The following RAD51B variants were observed in gnomAD, a reference collection of about 807,000 sequenced individuals.
RAD51B encodes DNA repair protein RAD51 homolog 2.
A neutral mutation model predicts 42.2 loss-of-function variants in RAD51B; 38 were observed. That is an observed-to-expected ratio of 0.90 (90% CI 0.70 to 1.18). The LOEUF (loss-of-function observed/expected upper bound fraction) is 1.18, where lower values mean the gene tolerates loss of function less well. Among genes scored for constraint, RAD51B ranks in the 50% most tolerant of loss-of-function variants. RAD51B has a pLI of 0.00. For missense variants in RAD51B, 373 were observed against 400.7 expected (o/e 0.93, Z 0.59); for synonymous variants, 154 against 145.2 (o/e 1.06, Z -0.43).
chr14:68,537,555 T>C (rs1887710971), intron 10 of RAD51B, among the ~76,000 whole-genome samples: 1 of 152,174 alleles, frequency 6.6e-6, no homozygotes, highest in Non-Finnish European at 1.5e-5. Flanking sequence ...GTTTTTGTTT[T>C]ATTTACCTCT....
At chr14:68,433,637 T>C (rs1265923800) in intron 9 of RAD51B, among the ~76,000 whole-genome samples, 4 of 152,198 alleles carry the variant, frequency 2.6e-5, no homozygotes, top group African/African-American at 9.7e-5. Flanking sequence ...TTATTCTAGT[T>C]AGCCATTCGT....
intron 7 of RAD51B, among the ~76,000 whole-genome samples, chr14:67,968,106 C>G (rs10146113): frequency 0.071 from 10,797 of 152,294 alleles, 941 homozygotes; most frequent in African/African-American, 0.21. Context: ...TGAAACTATG[C>G]GCTGAGCTGT....
chr14:67,887,201 C>A lies in RAD51B; in HGVS notation c.753C>A (p.Ile251=), dbSNP rs1369777264. Residue 251 remains isoleucine, a synonymous_variant, in exon 7 of 11, where the codon ATC becomes ATA. Coordinates refer to ENST00000471583, the MANE Select transcript of RAD51B (RefSeq NM_133510.4). ...AGTATTTGGCTGAGGAGTTTTCAATCCCAGTAAGTTTTTCTTTTTTTCTCT... is the reference window on the plus strand; with the variant it reads ...AGTATTTGGCTGAGGAGTTTTCAATACCAGTAAGTTTTTCTTTTTTTCTCT... ...SLKYLAEEFS[I]PVILTNQITT... is the part of the protein sequence containing the mutation. 2 of 1,602,962 alleles carry A rather than the reference C, an allele frequency of 1.2e-6. No homozygotes were observed. Among genetic ancestry groups the A allele is most frequent in the South Asian group, 1.1e-5 (1 of 88,206 alleles).
chr14:68,639,851 G>A (rs753801144), intron 10 of RAD51B, among the ~76,000 whole-genome samples: 10 of 151,992 alleles, frequency 6.6e-5, no homozygotes, highest in South Asian at 2.1e-4. Context: ...GTGCAGTGGC[G>A]CAATCTCGGC....
At chr14:68,004,936 T>C (rs1566572156) in intron 7 of RAD51B, among the ~76,000 whole-genome samples, 1 of 152,050 alleles carries the variant, frequency 6.6e-6, no homozygotes, top group Non-Finnish European at 1.5e-5. Context: ...TATTGTGTAG[T>C]TGTGGTTCAT....
At chr14:68,345,351 G>A (rs145291117) in intron 8 of RAD51B, among the ~76,000 whole-genome samples, 29 of 152,310 alleles carry the variant, frequency 1.9e-4, no homozygotes, top group African/African-American at 7.0e-4. Flanking sequence ...AGTGTTGGAG[G>A]TGGGGCTTGG....
intron 7 of RAD51B, among the ~76,000 whole-genome samples, chr14:68,190,262 A>G (rs1452797519): frequency 6.6e-6 from 1 of 152,164 alleles, no homozygotes; most frequent in Non-Finnish European, 1.5e-5. Context: ...GAAAATAAAC[A>G]CATTTCCCTA....
At chr14:68,288,950 T>C (rs1329024093) in intron 7 of RAD51B, among the ~76,000 whole-genome samples, 2 of 152,200 alleles carry the variant, frequency 1.3e-5, no homozygotes, top group African/African-American at 4.8e-5. Flanking sequence ...ATAAAGCACA[T>C]AGTATTTTCA....
chr14:68,093,014 G>A (rs879428833), intron 7 of RAD51B, among the ~76,000 whole-genome samples: 116 of 149,584 alleles, frequency 7.8e-4, no homozygotes, highest in African/African-American at 2.6e-3. Flanking sequence ...ATTGATTTTC[G>A]TATGTTGAAC....
chr14:68,400,174 G>T (rs2331676), intron 8 of RAD51B, among the ~76,000 whole-genome samples: 1 of 152,172 alleles, frequency 6.6e-6, no homozygotes, highest in South Asian at 2.1e-4. Flanking sequence ...CAAACCACAT[G>T]ACTGCTGGTG....
chr14:67,901,088 A>G (rs1438516177), intron 7 of RAD51B, among the ~76,000 whole-genome samples: 1 of 152,180 alleles, frequency 6.6e-6, no homozygotes, highest in Non-Finnish European at 1.5e-5. Flanking sequence ...AATAGGACTG[A>G]GTTCTGGGTC....
intron 10 of RAD51B, among the ~76,000 whole-genome samples, chr14:68,636,553 A>T (rs1387092374): frequency 1.4e-5 from 2 of 141,950 alleles, no homozygotes; most frequent in African/African-American, 5.3e-5. Flanking sequence ...ACTGCACTCC[A>T]GCCTGGGCAA....
At chr14:68,393,280 A>G (rs1424670699) in intron 8 of RAD51B, among the ~76,000 whole-genome samples, 1 of 152,222 alleles carries the variant, frequency 6.6e-6, no homozygotes, top group African/African-American at 2.4e-5. Flanking sequence ...GATTAGTGGG[A>G]ACCTAATAGG....
intron 10 of RAD51B, among the ~76,000 whole-genome samples, chr14:68,524,180 A>C (rs1195373253): frequency 6.6e-6 from 1 of 152,218 alleles, no homozygotes; most frequent in East Asian, 1.9e-4. Flanking sequence ...CCACCTTCCC[A>C]AGGGCACACA....
intron 7 of RAD51B, among the ~76,000 whole-genome samples, chr14:68,166,148 C>T (rs1052488531): frequency 2.0e-5 from 3 of 148,952 alleles, no homozygotes; most frequent in Non-Finnish European, 3.0e-5. Flanking sequence ...TACTGGAAGA[C>T]CAGGTACATT....
At chr14:68,092,982 G>T (rs2077127960) in intron 7 of RAD51B, among the ~76,000 whole-genome samples, 2 of 149,848 alleles carry the variant, frequency 1.3e-5, no homozygotes, top group Admixed American at 6.7e-5. Context: ...CTTTGGTTCT[G>T]TTTATATGCT....
At chr14:68,121,022 AG>A (rs1412437497) in intron 7 of RAD51B, among the ~76,000 whole-genome samples, 1 of 152,160 alleles carries the variant, frequency 6.6e-6, no homozygotes, top group African/African-American at 2.4e-5. Flanking sequence ...TCTTTAGAGA[AG>A]GTATAATGTA....
chr14:67,980,156 A>G (rs2075064899), intron 7 of RAD51B, among the ~76,000 whole-genome samples: 2 of 152,022 alleles, frequency 1.3e-5, no homozygotes. Flanking sequence ...CGTAAAGAGG[A>G]AGAAGTGGCC....
intron 7 of RAD51B, among the ~76,000 whole-genome samples, chr14:68,234,815 T>A (rs2080214330): frequency 6.6e-6 from 1 of 152,200 alleles, no homozygotes; most frequent in African/African-American, 2.4e-5. Context: ...ACACTTAGGC[T>A]ACACTAAATT....
Sources: gnomAD v4.1 joint callset for allele counts (sites outside exome capture counted in the v4.1 genomes callset) on GRCh38, gnomAD v4.1.1 for gene constraint, MANE v1.5 for transcripts, NCBI Gene and HGNC (gene_info 2026-07-23, HGNC 2026-07-21) for gene names.